The following RBFOX1 variants were observed in gnomAD, a reference collection of about 807,000 sequenced individuals.
The protein encoded by RBFOX1 is RNA binding fox-1 homolog 1, also known as RNA binding protein fox-1 homolog 1.
A neutral mutation model predicts 57.7 loss-of-function variants in RBFOX1; 8 were observed. That is an observed-to-expected ratio of 0.14 (90% confidence interval 0.08 to 0.25). The LOEUF is 0.25. Ranked by LOEUF, RBFOX1 falls within the 10% of genes least tolerant of loss-of-function variation. The pLI is 1.00. For missense variants in RBFOX1, 611 were observed against 548.5 expected, an observed-to-expected ratio of 1.11 and a Z score of -1.14; for synonymous variants, 326 against 222.4, an observed-to-expected ratio of 1.47 and a Z score of -4.15.
At chr16:7,161,737 C>T (rs1601502340) in intron 4 of RBFOX1, among the ~76,000 whole-genome samples, 1 of 152,176 alleles carries the variant, frequency 6.6e-6, no homozygotes, top group South Asian at 2.1e-4. Flanking sequence ...CTTTATGACT[C>T]ATCTTTCTAG....
intron 1 of RBFOX1, among the ~76,000 whole-genome samples, chr16:5,349,835 T>A (rs1015181984): frequency 1.3e-5 from 2 of 152,234 alleles, no homozygotes; most frequent in African/African-American, 4.8e-5. Context: ...TGCTCTGAGC[T>A]GAGGCCCCAG....
chr16:7,408,993 T>C (rs1388799383), intron 4 of RBFOX1, among the ~76,000 whole-genome samples: 1 of 152,206 alleles, frequency 6.6e-6, no homozygotes, highest in African/African-American at 2.4e-5. Flanking sequence ...TCCCCGCCCG[T>C]CAATTCTTCC....
intron 4 of RBFOX1, among the ~76,000 whole-genome samples, chr16:7,291,429 T>A (rs144587915): frequency 3.3e-5 from 5 of 152,178 alleles, no homozygotes; most frequent in African/African-American, 1.2e-4. Context: ...TGTGCTAGTA[T>A]AGCCACAATG....
intron 1 of RBFOX1, among the ~76,000 whole-genome samples, chr16:5,379,748 C>G (rs1012932268): frequency 2.6e-5 from 4 of 152,188 alleles, no homozygotes; most frequent in Non-Finnish European, 5.9e-5. Context: ...TTTATCTCCC[C>G]CTCTGAACAA....
chr16:7,688,892 A>T (rs977459743), intron 14 of RBFOX1, among the ~76,000 whole-genome samples: 1 of 152,076 alleles, frequency 6.6e-6, no homozygotes, highest in Non-Finnish European at 1.5e-5. Context: ...CAGAATGTTA[A>T]GTTACTCCAC....
chr16:6,775,548 C>T (rs1415862745), intron 3 of RBFOX1, among the ~76,000 whole-genome samples: 1 of 152,034 alleles, frequency 6.6e-6, no homozygotes, highest in Non-Finnish European at 1.5e-5. Context: ...TATGTCAGTC[C>T]ATCTCTTTGA....
At chr16:7,494,162 A>G (rs1337927902) in intron 4 of RBFOX1, among the ~76,000 whole-genome samples, 2 of 152,010 alleles carry the variant, frequency 1.3e-5, no homozygotes, top group Admixed American at 1.3e-4. Flanking sequence ...CCACTTTCTG[A>G]TTTTTTTGGA....
At chr16:6,839,126 A>G (rs765055723) in intron 3 of RBFOX1, among the ~76,000 whole-genome samples, 2 of 147,772 alleles carry the variant, frequency 1.4e-5, no homozygotes, top group Non-Finnish European at 3.1e-5. Context: ...GTGAGATTAC[A>G]GGCACACACC....
At chr16:6,189,407 G>A (rs749268739) in intron 1 of RBFOX1, among the ~76,000 whole-genome samples, 1 of 152,208 alleles carries the variant, frequency 6.6e-6, no homozygotes, top group Non-Finnish European at 1.5e-5. Context: ...CTCCTCAGCT[G>A]TTAATGCAGA....
intron 5 of RBFOX1, 126 bp from the exon 6 acceptor site, chr16:7,579,651 C>A (rs1475491720): frequency 8.4e-7 from 1 of 1,188,614 alleles, no homozygotes; most frequent in African/African-American, 1.5e-5. Flanking sequence ...CATGCGTCAG[C>A]ATTTTCTTCC....
intron 1 of RBFOX1, among the ~76,000 whole-genome samples, chr16:6,106,838 T>A (rs1346882655): frequency 1.3e-5 from 2 of 152,168 alleles, no homozygotes; most frequent in Non-Finnish European, 2.9e-5. Context: ...TGGCTAATTT[T>A]TTTTTCGGAT....
At chr16:5,810,206 A>C (rs2055371015) in intron 3 of RBFOX1, among the ~76,000 whole-genome samples, 2 of 151,972 alleles carry the variant, frequency 1.3e-5, no homozygotes, top group African/African-American at 2.4e-5. Context: ...GGATAGCTTT[A>C]GGAGATATAC....
intron 1 of RBFOX1, among the ~76,000 whole-genome samples, chr16:5,383,082 C>T (rs993610571): frequency 2.6e-5 from 4 of 152,178 alleles, no homozygotes; most frequent in African/African-American, 7.2e-5. Flanking sequence ...TTTCCAGATG[C>T]GGCACAGTCC....
chr16:5,961,793 A>G (rs1862813), intron 4 of RBFOX1, among the ~76,000 whole-genome samples: 123,589 of 152,188 alleles, frequency 0.81, 50,349 homozygotes, highest in African/African-American at 0.86. Context: ...CTTCCAAAGC[A>G]CTGGGGTTGC....
chr16:6,299,002 T>C lies in RBFOX1; in HGVS notation c.-126-17993T>C, dbSNP rs114814270. ...AAAAGAATATCAGGATCTTGACCCCTTTCCTCGTGCTATTTCTGCCCTTGT... is the reference window on the plus strand; with the variant it reads ...AAAAGAATATCAGGATCTTGACCCCCTTCCTCGTGCTATTTCTGCCCTTGT... On this transcript the variant is annotated intron_variant, in intron 1 of 15. Coordinates refer to ENST00000550418, the MANE Select transcript of RBFOX1 (RefSeq NM_018723.4). 8.7e-3 allele frequency among the ~76,000 whole-genome samples: 1,321 copies of C among 152,308 alleles called. 28 individuals carry two copies. The highest frequency in any genetic ancestry group is 0.03 in the African/African-American group (1,237 of 41,562).
chr16:5,648,356 G>C (rs2049117087), intron 3 of RBFOX1, among the ~76,000 whole-genome samples: 1 of 152,230 alleles, frequency 6.6e-6, no homozygotes, highest in Non-Finnish European at 1.5e-5. Context: ...ATGCATGCGA[G>C]TGTGATCAGA....
chr16:6,741,324 C>A (rs1032930309), intron 3 of RBFOX1, among the ~76,000 whole-genome samples: 1 of 152,054 alleles, frequency 6.6e-6, no homozygotes, highest in African/African-American at 2.4e-5. Flanking sequence ...AGCTCGGTGA[C>A]ATGCCACCAA....
intron 2 of RBFOX1, among the ~76,000 whole-genome samples, chr16:6,488,446 G>C (rs550070794): frequency 2.6e-5 from 4 of 152,130 alleles, no homozygotes; most frequent in African/African-American, 9.7e-5. Context: ...GACTCCCTCT[G>C]TGCATCAGAC....
chr16:5,845,597 G>T (rs2056736570), intron 3 of RBFOX1, among the ~76,000 whole-genome samples: 1 of 152,184 alleles, frequency 6.6e-6, no homozygotes, highest in Admixed American at 6.5e-5. Flanking sequence ...AAATTTCACT[G>T]TGCTTTTCTT....
Sources: gnomAD v4.1 joint callset for allele counts (sites outside exome capture counted in the v4.1 genomes callset) on GRCh38, gnomAD v4.1.1 for gene constraint, MANE v1.5 for transcripts, NCBI Gene and HGNC (gene_info 2026-07-23, HGNC 2026-07-21) for gene names.